NT5E: variants seen among roughly 807,000 people sequenced by gnomAD.
NT5E encodes 5'-nucleotidase.
In NT5E, 53 loss-of-function variants were observed where a neutral mutation model predicts 55.1. That is an observed-to-expected ratio of 0.96 (90% CI 0.77 to 1.21). The LOEUF is 1.21. Ranked by LOEUF, NT5E falls within the 50% of genes most tolerant of loss-of-function variation. The pLI, the probability that NT5E is intolerant of heterozygous loss-of-function variation, is 0.00. For missense variants in NT5E, 683 were observed against 724.3 expected (o/e 0.94, Z 0.65); for synonymous variants, 270 against 278.4 (o/e 0.97, Z 0.30).
At chr6:85,452,928 G>T (rs1027175759) in intron 1 of NT5E, among the ~76,000 whole-genome samples, 12 of 152,124 alleles carry the variant, frequency 7.9e-5, no homozygotes, top group Non-Finnish European at 1.6e-4. Flanking sequence ...CTAGTTCAAA[G>T]GAGCCACATA....
rs534674647 is a variant in NT5E at position 85,450,267 on chromosome 6, A to C, written c.128A>C (p.Gln43Pro). Residue 43 changes from glutamine (Q) to proline (P), a missense_variant, in exon 1 of 9, where the codon CAG (glutamine) becomes CCG (proline). Coordinates refer to ENST00000257770, the MANE Select transcript of NT5E (RefSeq NM_002526.4). This position sits in a 1 kb window ranked among gnomAD's most constrained non-coding sequence, Gnocchi z 4.0. Reference sequence around the variant, plus strand: ...AACGACGTGCACAGCCGGCTGGAGCAGACCAGCGAGGACTCCAGCAAGTGC... The same window carrying C: ...AACGACGTGCACAGCCGGCTGGAGCCGACCAGCGAGGACTCCAGCAAGTGC... ...HTNDVHSRLEQTSEDSSKCVN... is the reference protein window; with the variant it reads ...HTNDVHSRLEPTSEDSSKCVN... 6.2e-7 allele frequency: 1 copy of C among 1,608,978 alleles called. No individual in the cohort carries two copies. Among genetic ancestry groups the C allele is most frequent in the South Asian group, 1.1e-5 (1 of 90,006 alleles).
chr6:85,462,006 C>T (rs1264299296), intron 1 of NT5E, among the ~76,000 whole-genome samples: 13 of 152,082 alleles, frequency 8.5e-5, no homozygotes, highest in Admixed American at 3.3e-4. Context: ...TGGAAATGCA[C>T]GGAGGAGCAG....
chr6:85,470,973 C>T (rs540968507), intron 2 of NT5E, among the ~76,000 whole-genome samples: 5 of 152,308 alleles, frequency 3.3e-5, no homozygotes, highest in African/African-American at 1.2e-4. Context: ...TCTGAAGCCT[C>T]CTCACAGTTT....
intron 1 of NT5E, among the ~76,000 whole-genome samples, chr6:85,458,536 A>G (rs1391642270): frequency 2.0e-5 from 3 of 152,350 alleles, no homozygotes; most frequent in Admixed American, 6.5e-5. Flanking sequence ...ACAAATCAAC[A>G]TCATATTGGC....
At position 85,463,036 on chromosome 6, in the gene NT5E, T is replaced by C. The variant is rs368627378; in HGVS notation, c.340-4024T>C. Among the ~76,000 whole-genome samples, 9 of 152,342 alleles carry C rather than the reference T, an allele frequency of 5.9e-5. No homozygotes were observed. The East Asian group carries it at 1.5e-3, about 26-fold the overall frequency. Reference sequence around the variant, plus strand: ...TTGAGAGTTTGTTAATTGTTCTGTGTGAGTGTGGAAAGTTTCTTTCATATA... The same window carrying C: ...TTGAGAGTTTGTTAATTGTTCTGTGCGAGTGTGGAAAGTTTCTTTCATATA... On this transcript the variant is annotated intron_variant, in intron 1 of 8. Coordinates refer to ENST00000257770, the MANE Select transcript of NT5E (RefSeq NM_002526.4).
At chr6:85,451,541 C>G (rs1348873689) in intron 1 of NT5E, among the ~76,000 whole-genome samples, 1 of 151,958 alleles carries the variant, frequency 6.6e-6, no homozygotes, top group African/African-American at 2.4e-5. Context: ...CAAATTTAAC[C>G]CTGTGTAAAA....
At chr6:85,451,228 A>C (rs1455636130) in intron 1 of NT5E, among the ~76,000 whole-genome samples, 1 of 152,118 alleles carries the variant, frequency 6.6e-6, no homozygotes, top group Non-Finnish European at 1.5e-5. Context: ...AAAGGAAAGA[A>C]AGAAAGAAAG....
intron 5 of NT5E, among the ~76,000 whole-genome samples, chr6:85,488,469 A>C (rs1171973468): frequency 6.6e-6 from 1 of 152,238 alleles, no homozygotes; most frequent in African/African-American, 2.4e-5. Flanking sequence ...ATAAATGTTA[A>C]GAGAAGTCTG....
chr6:85,453,087 C>T (rs1297100104), intron 1 of NT5E, among the ~76,000 whole-genome samples: 2 of 152,110 alleles, frequency 1.3e-5, no homozygotes, highest in Non-Finnish European at 2.9e-5. Context: ...CCAGGGCAAT[C>T]CTGGAGACCC....
chr6:85,489,140 G>A (rs891506586), intron 5 of NT5E, among the ~76,000 whole-genome samples: 5 of 152,096 alleles, frequency 3.3e-5, no homozygotes, highest in Admixed American at 2.6e-4. Context: ...TCAGGCAGAG[G>A]GCATGGCCTG....
chr6:85,451,462 T>C (rs1768855876), intron 1 of NT5E, among the ~76,000 whole-genome samples: 1 of 151,848 alleles, frequency 6.6e-6, no homozygotes, highest in South Asian at 2.1e-4. Flanking sequence ...GCAGAGGTGG[T>C]TGCACAGTAA....
rs1219216685 is a variant in NT5E at position 85,471,228 on chromosome 6, G to T, written c.563-9G>T. 6 of 1,588,432 alleles carry T rather than the reference G, an allele frequency of 3.8e-6. No individual in the cohort carries two copies. The highest frequency in any genetic ancestry group is 5.2e-6 in the Non-Finnish European group (6 of 1,162,140). On this transcript the variant is annotated splice_polypyrimidine_tract_variant and intron_variant, in intron 2 of 8. Transcript: ENST00000257770. Reference sequence around the variant, plus strand: ...AATAAATATCCATTTTATTTATTTTGTTCCTTAGGGACAAATTTAGTGTTT... The same window carrying T: ...AATAAATATCCATTTTATTTATTTTTTTCCTTAGGGACAAATTTAGTGTTT...
intron 1 of NT5E, among the ~76,000 whole-genome samples, chr6:85,458,314 C>G (rs1250153516): frequency 1.3e-5 from 2 of 152,176 alleles, no homozygotes; most frequent in Non-Finnish European, 2.9e-5. Context: ...GATCCCCAAC[C>G]TCAGAGACAG....
At chr6:85,493,203 C>A (rs755037067) in intron 8 of NT5E, among the ~76,000 whole-genome samples, 74 of 152,174 alleles carry the variant, frequency 4.9e-4, no homozygotes, top group Non-Finnish European at 8.4e-4. Context: ...TCGGCCGCAG[C>A]TCTTAAGAGA....
At chr6:85,471,110 G>A (rs890091882) in intron 2 of NT5E, 127 bp from the exon 3 acceptor site, 5 of 547,548 alleles carry the variant, frequency 9.1e-6, no homozygotes, top group Non-Finnish European at 1.6e-5. Flanking sequence ...GAATAAATAT[G>A]TTTTGGTTTT....
At chr6:85,463,810 C>T (rs1030287330) in intron 1 of NT5E, among the ~76,000 whole-genome samples, 4 of 151,840 alleles carry the variant, frequency 2.6e-5, no homozygotes, top group African/African-American at 7.3e-5. Context: ...ACTGAGTTCT[C>T]GTAAGTGCAA....
intron 5 of NT5E, among the ~76,000 whole-genome samples, chr6:85,489,095 G>C (rs930441968): frequency 6.6e-6 from 1 of 152,160 alleles, no homozygotes; most frequent in Admixed American, 6.5e-5. Context: ...CATGAGGTCT[G>C]GTGTTGAGCA....
intron 1 of NT5E, among the ~76,000 whole-genome samples, chr6:85,460,130 T>C (rs1405196618): frequency 6.6e-6 from 1 of 152,196 alleles, no homozygotes; most frequent in African/African-American, 2.4e-5. Flanking sequence ...TCAATTATCA[T>C]CTCTTAGAAA....
At chr6:85,483,627 A>T (rs1204883067) in intron 3 of NT5E, among the ~76,000 whole-genome samples, 1 of 152,152 alleles carries the variant, frequency 6.6e-6, no homozygotes, top group Non-Finnish European at 1.5e-5. Flanking sequence ...ATTGGCAACA[A>T]CTATTTCCTG....
Sources: gnomAD v4.1 joint callset for allele counts (sites outside exome capture counted in the v4.1 genomes callset) on GRCh38, gnomAD v4.1.1 for gene constraint, Gnocchi (gnomAD v3.1) non-coding constraint, MANE v1.5 for transcripts, NCBI Gene and HGNC (gene_info 2026-07-23, HGNC 2026-07-21) for gene names.